HOMER2: variants seen among roughly 807,000 people sequenced by gnomAD.
HOMER2 encodes the protein homer protein homolog 2.
Under a neutral mutation model 47.0 loss-of-function variants are expected in HOMER2, and 27 were observed. The observed-to-expected ratio is 0.57, with a 90% CI of 0.42 to 0.79. The LOEUF is 0.79. HOMER2 is among the 30% of genes least tolerant of loss of function. The pLI, the probability that HOMER2 is intolerant of heterozygous loss-of-function variation, is 0.00. For missense variants in HOMER2, 443 were observed against 435.0 expected (o/e 1.02, Z -0.16); for synonymous variants, 161 against 163.8 (o/e 0.98, Z 0.13).
chr15:82,875,039 C>T (rs956407776), intron 3 of HOMER2, among the ~76,000 whole-genome samples: 3 of 152,176 alleles, frequency 2.0e-5, no homozygotes, highest in Admixed American at 6.5e-5. Flanking sequence ...CACACTGCAA[C>T]TTCAGGCCCC....
At chr15:82,868,166 C>A (rs923584804) in intron 3 of HOMER2, among the ~76,000 whole-genome samples, 1 of 151,990 alleles carries the variant, frequency 6.6e-6, no homozygotes, top group African/African-American at 2.4e-5. Context: ...CCTTTGCCCA[C>A]TTTTTAATGG....
intron 1 of HOMER2, among the ~76,000 whole-genome samples, chr15:82,933,958 C>G (rs1262491099): frequency 6.6e-6 from 1 of 152,172 alleles, no homozygotes; most frequent in Admixed American, 6.5e-5. Flanking sequence ...GTTCTCCCTG[C>G]CCTGGATGTT....
chr15:82,963,122 T>C (rs1308832270), intron 1 of HOMER2, among the ~76,000 whole-genome samples: 1 of 152,226 alleles, frequency 6.6e-6, no homozygotes, highest in Non-Finnish European at 1.5e-5. Flanking sequence ...CTTGTTGTTG[T>C]TGCCCAGGCT....
At chr15:82,845,724 C>T (rs1401658578), downstream of HOMER2, 2 of 152,216 alleles carry the variant, frequency 1.3e-5, no homozygotes, top group Non-Finnish European at 2.9e-5. Context: ...CACATCACGT[C>T]TGCCTTCTTC....
chr15:82,863,261 T>C (rs552205742), intron 4 of HOMER2, among the ~76,000 whole-genome samples: 8 of 152,140 alleles, frequency 5.3e-5, no homozygotes, highest in African/African-American at 1.9e-4. Flanking sequence ...CTGCTCTCAG[T>C]CCCTCCCTGC....
chr15:82,855,423 T>C (rs941528916), intron 5 of HOMER2, among the ~76,000 whole-genome samples: 4 of 145,562 alleles, frequency 2.7e-5, no homozygotes, highest in Non-Finnish European at 3.0e-5. Flanking sequence ...GCCCATCCCA[T>C]CCTCCTTACT....
chr15:82,945,128 T>C (rs1954475013), intron 1 of HOMER2, among the ~76,000 whole-genome samples: 1 of 151,836 alleles, frequency 6.6e-6, no homozygotes, highest in African/African-American at 2.4e-5. Context: ...AATTACCCAA[T>C]GTTAATTGTG....
intron 2 of HOMER2, among the ~76,000 whole-genome samples, chr15:82,877,272 C>T (rs530957303): frequency 1.1e-4 from 17 of 152,058 alleles, no homozygotes; most frequent in Admixed American, 2.6e-4. Flanking sequence ...TAGGTTCAAG[C>T]GATTCTCCTG....
chr15:82,971,013 C>A (rs1315447018), intron 1 of HOMER2, among the ~76,000 whole-genome samples: 1 of 152,100 alleles, frequency 6.6e-6, no homozygotes, highest in Non-Finnish European at 1.5e-5. Flanking sequence ...CTCCTGGATA[C>A]CCAGACATAA....
chr15:82,925,456 A>G (rs557027001), intron 1 of HOMER2, among the ~76,000 whole-genome samples: 2 of 152,302 alleles, frequency 1.3e-5, no homozygotes, highest in East Asian at 3.9e-4. Context: ...GCCTAGGACC[A>G]TGTGTGTCAG....
intron 1 of HOMER2, among the ~76,000 whole-genome samples, chr15:82,898,733 T>G (rs2053017556): frequency 6.6e-6 from 1 of 152,244 alleles, no homozygotes; most frequent in African/African-American, 2.4e-5. Context: ...TGTGAAATAA[T>G]TCTGCAAAGA....
chr15:82,867,545 C>T (rs2052015549), intron 3 of HOMER2, among the ~76,000 whole-genome samples: 1 of 152,030 alleles, frequency 6.6e-6, no homozygotes, highest in Admixed American at 6.6e-5. Context: ...AATGCAGTAA[C>T]AGCTTATAGA....
At chr15:82,837,535 C>G (rs973057288) in exon 2 of HOMER2, 9 of 152,192 alleles carry the variant, frequency 5.9e-5, no homozygotes, top group African/African-American at 2.2e-4. Flanking sequence ...GGGCTGGTGA[C>G]GCAGGAACAG....
intron 1 of HOMER2, among the ~76,000 whole-genome samples, chr15:82,933,239 T>C (rs2054061117): frequency 6.6e-6 from 1 of 152,064 alleles, no homozygotes. Flanking sequence ...TTAAGAACCC[T>C]TCCTTGAGAT....
intron 1 of HOMER2, 41 bp downstream of exon 1, chr15:82,952,490 C>T (rs2151242701): frequency 8.5e-7 from 1 of 1,180,880 alleles, no homozygotes; most frequent in East Asian, 3.6e-5. Context: ...GCAGTCCCTC[C>T]GGAGGGGCGC....
At chr15:82,906,033 G>C (rs1180501839) in intron 1 of HOMER2, among the ~76,000 whole-genome samples, 1 of 152,106 alleles carries the variant, frequency 6.6e-6, no homozygotes, top group Non-Finnish European at 1.5e-5. Context: ...ATAAGCTATG[G>C]GATGGAGGAG....
chr15:82,915,796 G>A (rs1219370727), intron 1 of HOMER2, among the ~76,000 whole-genome samples: 1 of 152,202 alleles, frequency 6.6e-6, no homozygotes, highest in Non-Finnish European at 1.5e-5. Flanking sequence ...GATAGTCACT[G>A]AAGAGCTGCT....
intron 1 of HOMER2, among the ~76,000 whole-genome samples, chr15:82,893,906 C>G (rs906451485): frequency 2.0e-5 from 3 of 152,066 alleles, no homozygotes; most frequent in African/African-American, 7.2e-5. Context: ...GGATATAATC[C>G]CAGCATGAGC....
upstream of HOMER2, among the ~76,000 whole-genome samples, chr15:82,954,298 A>AT (rs558798246): frequency 3.3e-4 from 50 of 149,258 alleles, no homozygotes; most frequent in East Asian, 5.9e-4. Context: ...TATTTTTATT[A>AT]TTTTTTTTTT....
Sources: gnomAD v4.1 joint callset for allele counts (sites outside exome capture counted in the v4.1 genomes callset) on GRCh38, gnomAD v4.1.1 for gene constraint, MANE v1.5 for transcripts, NCBI Gene and HGNC (gene_info 2026-07-23, HGNC 2026-07-21) for gene names.